Variants in DCLK2 observed in about 807,000 individuals in gnomAD.
DCLK2 encodes doublecortin like kinase 2.
In DCLK2, 31 loss-of-function variants were observed where a neutral mutation model predicts 78.4. The ratio of observed to expected loss-of-function variants is 0.40; its 90% CI spans 0.30 to 0.53. The LOEUF is 0.53. Among genes scored for constraint, DCLK2 ranks in the 20% least tolerant of loss-of-function variants. DCLK2 has a pLI of 0.61. For missense variants in DCLK2, 872 were observed against 973.7 expected (o/e 0.90, Z 1.39); for synonymous variants, 407 against 374.9 (o/e 1.09, Z -0.99).
intron 2 of DCLK2, among the ~76,000 whole-genome samples, chr4:150,133,800 TA>T (rs1733496900): frequency 6.6e-6 from 1 of 152,194 alleles, no homozygotes; most frequent in Non-Finnish European, 1.5e-5. Flanking sequence ...TAGGTTGCAT[TA>T]GATTCAGTTC....
intron 14 of DCLK2, 128 bp from the exon 15 acceptor site, chr4:150,249,440 G>C: frequency 2.7e-6 from 2 of 728,208 alleles, no homozygotes; most frequent in Middle Eastern, 2.4e-4. Context: ...TAATTCTGTG[G>C]CTAAGAGGGG....
At chr4:150,197,632 G>A (rs1218873066) in intron 3 of DCLK2, among the ~76,000 whole-genome samples, 2 of 152,148 alleles carry the variant, frequency 1.3e-5, no homozygotes, top group Non-Finnish European at 2.9e-5. Context: ...GTGGGCACCT[G>A]TAATCCCAGC....
chr4:150,256,302 C>T lies in DCLK2; in HGVS notation c.*55C>T. On this transcript the variant is annotated 3_prime_UTR_variant, in exon 16 of 16. Transcript: ENST00000296550. ...TGCAGCCCAGGAAGCCAGCCCTCTG[C>T]TCGGCCTCGCCGGCCTCCCTGCTGC... 6.9e-7 allele frequency: 1 copy of T among 1,449,964 alleles called. No individual in the cohort carries two copies. The highest frequency in any genetic ancestry group is 9.0e-7 in the Non-Finnish European group (1 of 1,105,132). 89.8% of individuals were successfully genotyped at this position (1,449,964 alleles called of 1,614,324 possible). A position where few individuals can be genotyped will look rare whatever the true frequency, so the allele number is the denominator to read the frequency against.
chr4:150,228,428 G>A (rs934507077), intron 8 of DCLK2, among the ~76,000 whole-genome samples: 3 of 152,220 alleles, frequency 2.0e-5, no homozygotes, highest in Non-Finnish European at 4.4e-5. Flanking sequence ...AGTGCGTGAT[G>A]TGTCTACTCC....
At position 150,232,396 on chromosome 4, in the gene DCLK2, T is replaced by C. The variant is rs1742146130; in HGVS notation, c.1359T>C (p.Ile453=). 2.4e-5 allele frequency: 39 copies of C among 1,614,032 alleles called. No individual in the cohort carries two copies. The highest frequency in any genetic ancestry group is 2.9e-5 in the Non-Finnish European group (34 of 1,180,010). ...GCCGAGTGAAACATCCCAATATCAT[T>C]ATGCTGGTCGAGGAGATGGAAACAG... ...ILRRVKHPNI[I]MLVEEMETAT... Residue 453 remains isoleucine (I), a synonymous_variant, in exon 9 of 16, where the codon ATT becomes ATC. Coordinates refer to ENST00000296550, the MANE Select transcript of DCLK2 (RefSeq NM_001040260.4).
intron 2 of DCLK2, among the ~76,000 whole-genome samples, chr4:150,146,279 G>A (rs1282562658): frequency 6.6e-6 from 1 of 152,172 alleles, no homozygotes; most frequent in Non-Finnish European, 1.5e-5. Flanking sequence ...GCATTACTTA[G>A]AAGTTTTTAG....
chr4:150,228,965 G>T (rs1346215816), intron 8 of DCLK2, among the ~76,000 whole-genome samples: 2 of 151,872 alleles, frequency 1.3e-5, no homozygotes, highest in Admixed American at 1.3e-4. Context: ...AGCGGAGCTT[G>T]CAGTGAGCCG....
chr4:150,165,542 A>G (rs1736000428), intron 2 of DCLK2, among the ~76,000 whole-genome samples: 1 of 152,244 alleles, frequency 6.6e-6, no homozygotes, highest in East Asian at 1.9e-4. Flanking sequence ...TTGAATACAC[A>G]ATAAACATTT....
chr4:150,119,363 G>A (rs913604669), intron 2 of DCLK2, among the ~76,000 whole-genome samples: 3 of 152,128 alleles, frequency 2.0e-5, no homozygotes, highest in Non-Finnish European at 4.4e-5. Flanking sequence ...CCTTAGGATA[G>A]ATTCCCAGAG....
intron 2 of DCLK2, among the ~76,000 whole-genome samples, chr4:150,168,770 C>T (rs1367344735): frequency 6.6e-6 from 1 of 152,190 alleles, no homozygotes; most frequent in Non-Finnish European, 1.5e-5. Flanking sequence ...TATTTTCCTT[C>T]GTATAGTGAG....
At chr4:150,127,976 C>A (rs1343906322) in intron 2 of DCLK2, among the ~76,000 whole-genome samples, 2 of 152,204 alleles carry the variant, frequency 1.3e-5, no homozygotes, top group Admixed American at 6.5e-5. Flanking sequence ...GTGCAATGAA[C>A]TTGGCTCAGA....
intron 11 of DCLK2, 26 bp from the exon 12 acceptor site, chr4:150,240,373 C>G: frequency 6.2e-7 from 1 of 1,611,302 alleles, no homozygotes; most frequent in Non-Finnish European, 8.5e-7. Context: ...TCAGTTCTCT[C>G]CCCCTCACCC....
In DCLK2 at chr4:150,246,839, A is replaced by T. The variant is rs529803498; in HGVS notation, c.1779-764A>T. Among the ~76,000 whole-genome samples, 5 of 152,262 alleles carry T rather than the reference A, an allele frequency of 3.3e-5. No homozygotes were observed. In the East Asian group the frequency reaches 9.7e-4, roughly 29 times the overall value. ...CTCCGAGGGTGGGTCAGTCAGGCGCAGGTTGGAGGGATGCCCCTGTGAGCT... is the reference window on the plus strand; with the variant it reads ...CTCCGAGGGTGGGTCAGTCAGGCGCTGGTTGGAGGGATGCCCCTGTGAGCT... On this transcript the variant is annotated intron_variant, in intron 12 of 15. Transcript: ENST00000296550.
intron 2 of DCLK2, among the ~76,000 whole-genome samples, chr4:150,154,160 A>G (rs551508842): frequency 2.6e-5 from 4 of 152,306 alleles, no homozygotes; most frequent in Admixed American, 6.5e-5. Context: ...AACTTGCAAC[A>G]TAGACCTGGT....
chr4:150,190,034 C>CATAAAAAAAAAAAAAAAAAA (rs1738281000), intron 2 of DCLK2, among the ~76,000 whole-genome samples: 1 of 26,232 alleles, frequency 3.8e-5, no homozygotes, highest in Non-Finnish European at 8.0e-5. Flanking sequence ...GACCCTGTCT[C>CATAAAAAAAAAAAAAAAAAA]AAAAAAAAAA....
intron 12 of DCLK2, among the ~76,000 whole-genome samples, chr4:150,247,202 G>A (rs1743382644): frequency 6.6e-6 from 1 of 152,084 alleles, no homozygotes. Flanking sequence ...TCTTGAGTGT[G>A]TGTGTGTGGT....
chr4:150,167,277 C>T (rs1736163782), intron 2 of DCLK2, among the ~76,000 whole-genome samples: 1 of 152,158 alleles, frequency 6.6e-6, no homozygotes, highest in Non-Finnish European at 1.5e-5. Flanking sequence ...ATGTCCTTGT[C>T]TTATGAAGGA....
intron 2 of DCLK2, among the ~76,000 whole-genome samples, chr4:150,163,814 A>G (rs937994925): frequency 7.9e-5 from 12 of 152,256 alleles, no homozygotes; most frequent in African/African-American, 2.9e-4. Context: ...ACCTCAAGAA[A>G]ATGAATGATT....
At chr4:150,128,335 G>A (rs1733060284) in intron 2 of DCLK2, among the ~76,000 whole-genome samples, 1 of 152,112 alleles carries the variant, frequency 6.6e-6, no homozygotes, top group African/African-American at 2.4e-5. Flanking sequence ...GTTTTGAAAT[G>A]GCCAGGGTAA....
Sources: gnomAD v4.1 joint callset for allele counts (sites outside exome capture counted in the v4.1 genomes callset) on GRCh38, gnomAD v4.1.1 for gene constraint, MANE v1.5 for transcripts, NCBI Gene and HGNC (gene_info 2026-07-23, HGNC 2026-07-21) for gene names.